The following USP13 variants were observed in gnomAD, a reference collection of about 807,000 sequenced individuals.
USP13 encodes ubiquitin specific peptidase 13, also known as ubiquitin carboxyl-terminal hydrolase 13.
In USP13, 68 loss-of-function variants were observed where a neutral mutation model predicts 107.8. The ratio of observed to expected loss-of-function variants is 0.63; its 90% confidence interval spans 0.52 to 0.77. The LOEUF (loss-of-function observed/expected upper bound fraction) is 0.77. USP13 is among the 30% of genes least tolerant of loss of function. The pLI, the probability that USP13 is intolerant of heterozygous loss-of-function variation, is 0.00. For synonymous variants in USP13, 377 were observed against 389.5 expected, an observed-to-expected ratio of 0.97 and a Z score of 0.38; for missense variants, 945 against 1,093.3, an observed-to-expected ratio of 0.86 and a Z score of 1.91.
chr3:179,715,175 C>A (rs73172288), intron 6 of USP13, among the ~76,000 whole-genome samples: 7,755 of 150,742 alleles, frequency 0.051, 249 homozygotes, highest in Middle Eastern at 0.09. Flanking sequence ...GGCCACTATG[C>A]CTGGTCCTGT....
intron 6 of USP13, among the ~76,000 whole-genome samples, chr3:179,710,254 A>G (rs1392412664): frequency 6.6e-6 from 1 of 152,206 alleles, no homozygotes; most frequent in Non-Finnish European, 1.5e-5. Context: ...CGCGGTGTTT[A>G]CAGGTGATTG....
chr3:179,675,100 G>A (rs921354603), intron 1 of USP13, among the ~76,000 whole-genome samples: 1 of 151,786 alleles, frequency 6.6e-6, no homozygotes, highest in South Asian at 2.1e-4. Context: ...GTGTGAACCC[G>A]GGAGGTGGAG....
chr3:179,776,916 C>T (rs1233319237), intron 19 of USP13, among the ~76,000 whole-genome samples: 1 of 114,840 alleles, frequency 8.7e-6, no homozygotes, highest in Non-Finnish European at 1.6e-5. Flanking sequence ...AGAGAAGAAT[C>T]AACAGTAGCT....
At chr3:179,748,516 C>T (rs569723336) in intron 13 of USP13, among the ~76,000 whole-genome samples, 6 of 152,242 alleles carry the variant, frequency 3.9e-5, no homozygotes, top group Admixed American at 2.6e-4. Flanking sequence ...AAGATCTTGG[C>T]GGATCTTGCA....
At chr3:179,783,085 C>T (rs1006084126) in intron 20 of USP13, among the ~76,000 whole-genome samples, 4 of 151,642 alleles carry the variant, frequency 2.6e-5, no homozygotes, top group African/African-American at 7.3e-5. Flanking sequence ...ATTACAAACA[C>T]GATAGCGCTT....
chr3:179,659,450 G>A (rs1296931233), intron 1 of USP13, among the ~76,000 whole-genome samples: 1 of 152,154 alleles, frequency 6.6e-6, no homozygotes, highest in African/African-American at 2.4e-5. Context: ...AGAAGATCTG[G>A]GGGTGGGGGT....
chr3:179,729,685 T>A (rs1713725708), intron 8 of USP13, among the ~76,000 whole-genome samples: 1 of 152,112 alleles, frequency 6.6e-6, no homozygotes, highest in Admixed American at 6.5e-5. Context: ...TTAGCTAGGC[T>A]GGTCTTGAAC....
Position 179,697,686 on chromosome 3 carries a change from G to T in USP13, c.356-3322G>T, listed in dbSNP as rs970293245. 2.6e-5 allele frequency among the ~76,000 whole-genome samples: 4 copies of T among 152,146 alleles called. No individual in the cohort carries two copies. In the East Asian group the frequency reaches 7.7e-4, roughly 29 times the overall value. On this transcript the variant is annotated intron_variant, in intron 3 of 20. Coordinates refer to ENST00000263966, the MANE Select transcript of USP13 (RefSeq NM_003940.3). ...GCTTCTTCAACTAAATATTTTTGGGGTGATGAGACATGATTTAGAGATGTG... is the reference window on the plus strand; with the variant it reads ...GCTTCTTCAACTAAATATTTTTGGGTTGATGAGACATGATTTAGAGATGTG...
chr3:179,773,449 T>A (rs986924770), intron 19 of USP13, among the ~76,000 whole-genome samples: 2 of 152,312 alleles, frequency 1.3e-5, no homozygotes, highest in East Asian at 1.9e-4. Flanking sequence ...CCTGATGAGA[T>A]ACTGCTGCTT....
intron 17 of USP13, among the ~76,000 whole-genome samples, chr3:179,762,143 T>G (rs370305003): frequency 4.6e-5 from 7 of 152,338 alleles, no homozygotes; most frequent in African/African-American, 1.7e-4. Flanking sequence ...GATCAAGGGA[T>G]TTGCCTGTTT....
At chr3:179,759,305 A>AT (rs1237961652) in intron 16 of USP13, among the ~76,000 whole-genome samples, 1 of 152,118 alleles carries the variant, frequency 6.6e-6, no homozygotes, top group Non-Finnish European at 1.5e-5. Context: ...CTGGTCTAAT[A>AT]TTATAAACAT....
rs762717769 is a variant in USP13 at position 179,764,168 on chromosome 3, G to C, written c.2259G>C (p.Thr753=). Residue 753 remains threonine, a splice_region_variant and synonymous_variant, in exon 18 of 21, where the codon ACG becomes ACC. Transcript: ENST00000263966. ...RNQAIQALRA[T]NNNLERALDW... is the part of the protein sequence containing the mutation. ...AGGCTATTCAGGCACTACGAGCAAC[G>C]GTGAGCATGAGAGACTGTGTGTGTG... The C allele has an allele frequency of 6.3e-7, 1 of 1,598,744 alleles. No homozygotes were observed.
chr3:179,755,702 TC>T (rs1714766872), intron 15 of USP13, among the ~76,000 whole-genome samples: 3 of 152,260 alleles, frequency 2.0e-5, no homozygotes, highest in Non-Finnish European at 4.4e-5. Context: ...AGCTCAGTTA[TC>T]CTGATGAAAT....
intron 2 of USP13, among the ~76,000 whole-genome samples, chr3:179,689,314 G>A (rs1302671623): frequency 1.3e-5 from 2 of 152,108 alleles, no homozygotes; most frequent in South Asian, 2.1e-4. Flanking sequence ...ATTACCACTC[G>A]ATGGGCATTT....
At chr3:179,668,583 G>A (rs1720653103) in intron 1 of USP13, among the ~76,000 whole-genome samples, 1 of 151,980 alleles carries the variant, frequency 6.6e-6, no homozygotes, top group Non-Finnish European at 1.5e-5. Context: ...TTGAGACAAG[G>A]TCTCACTCTG....
chr3:179,692,176 T>C (rs2108465580), intron 3 of USP13, among the ~76,000 whole-genome samples: 1 of 152,320 alleles, frequency 6.6e-6, no homozygotes, highest in East Asian at 1.9e-4. Context: ...AAACTGTTAA[T>C]AGTAGCTCTT....
Position 179,784,418 on chromosome 3 carries a change from G to T in USP13, c.*277G>T. The T allele has an allele frequency of 3.5e-6, 1 of 286,774 alleles. No homozygotes were observed. Among genetic ancestry groups the T allele is most frequent in the Non-Finnish European group, 6.6e-6 (1 of 152,394 alleles). 17.8% of individuals were successfully genotyped at this position (286,774 alleles called of 1,614,324 possible). On this transcript the variant is annotated 3_prime_UTR_variant, in exon 21 of 21. Transcript: ENST00000263966. ...AAAAAGTATTCATATTGCTGGTGGA[G>T]GATCTGCCATCAGCACATCAAAAAT... is the stretch of plus-strand genomic sequence containing the variant.
intron 10 of USP13, among the ~76,000 whole-genome samples, chr3:179,732,116 G>C (rs780652405): frequency 2.0e-5 from 3 of 152,118 alleles, no homozygotes; most frequent in Non-Finnish European, 4.4e-5. Context: ...GACCAGAGGG[G>C]TATGGGAATA....
chr3:179,725,149 T>C (rs965031535), intron 8 of USP13, among the ~76,000 whole-genome samples: 2 of 152,120 alleles, frequency 1.3e-5, no homozygotes, highest in Non-Finnish European at 2.9e-5. Flanking sequence ...GAGGCAGAGG[T>C]TGCAGTGAGC....
Sources: gnomAD v4.1 joint callset for allele counts (sites outside exome capture counted in the v4.1 genomes callset) on GRCh38, gnomAD v4.1.1 for gene constraint, MANE v1.5 for transcripts, NCBI Gene and HGNC (gene_info 2026-07-23, HGNC 2026-07-21) for gene names.